GUCY1A2: variants seen among roughly 807,000 people sequenced by gnomAD.
GUCY1A2 encodes guanylate cyclase soluble subunit alpha-2.
A neutral mutation model predicts 63.5 loss-of-function variants in GUCY1A2; 27 were observed. The observed-to-expected ratio is 0.43, with a 90% CI of 0.31 to 0.59. The LOEUF is 0.59. Among genes scored for constraint, GUCY1A2 ranks in the 20% least tolerant of loss-of-function variants. The pLI, the probability that GUCY1A2 is intolerant of heterozygous loss-of-function variation, is 0.11. For missense variants in GUCY1A2, 768 were observed against 913.3 expected (o/e 0.84, Z 2.05); for synonymous variants, 364 against 343.5 (o/e 1.06, Z -0.66).
intron 5 of GUCY1A2, among the ~76,000 whole-genome samples, chr11:106,782,761 C>T (rs1435355377): frequency 1.5e-5 from 2 of 130,030 alleles, no homozygotes; most frequent in African/African-American, 6.3e-5. Context: ...CCAGGAAACA[C>T]AAACACACAC....
intron 4 of GUCY1A2, among the ~76,000 whole-genome samples, chr11:106,866,423 C>T (rs929846588): frequency 4.6e-5 from 7 of 151,936 alleles, no homozygotes; most frequent in African/African-American, 4.8e-5. Context: ...ACAGTGTGGA[C>T]GTCGCTGCTG....
chr11:106,764,963 A>ATT (rs536338612), intron 6 of GUCY1A2, among the ~76,000 whole-genome samples: 1 of 39,852 alleles, frequency 2.5e-5, no homozygotes, highest in Non-Finnish European at 4.2e-5. Flanking sequence ...TACTTTGCAG[A>ATT]TTTTTTTGGG....
At chr11:106,785,382 T>A (rs1212562495) in intron 5 of GUCY1A2, among the ~76,000 whole-genome samples, 8 of 152,078 alleles carry the variant, frequency 5.3e-5, no homozygotes, top group Non-Finnish European at 2.9e-5. Context: ...GATTTCTGGA[T>A]CTGTAATTTT....
intron 7 of GUCY1A2, among the ~76,000 whole-genome samples, chr11:106,696,303 G>A (rs1364607671): frequency 6.6e-6 from 1 of 152,016 alleles, no homozygotes; most frequent in East Asian, 1.9e-4. Context: ...TATGTCTATA[G>A]ACAGAACTTT....
At chr11:106,898,351 C>T (rs1242322198) in intron 4 of GUCY1A2, among the ~76,000 whole-genome samples, 2 of 152,156 alleles carry the variant, frequency 1.3e-5, no homozygotes. Context: ...TTGGTATTTA[C>T]CCAAATAGGT....
At chr11:106,780,932 T>A (rs544243888) in intron 5 of GUCY1A2, among the ~76,000 whole-genome samples, 1 of 152,224 alleles carries the variant, frequency 6.6e-6, no homozygotes, top group East Asian at 1.9e-4. Flanking sequence ...GGCAGCTCTA[T>A]ACAAGTTTAG....
intron 3 of GUCY1A2, among the ~76,000 whole-genome samples, chr11:106,964,745 C>A (rs1861104748): frequency 6.6e-6 from 1 of 152,102 alleles, no homozygotes; most frequent in Admixed American, 6.6e-5. Flanking sequence ...TTTGGGAGGC[C>A]AAGGCGGGCG....
chr11:106,738,922 C>A (rs1201437322), intron 6 of GUCY1A2, among the ~76,000 whole-genome samples: 1 of 152,002 alleles, frequency 6.6e-6, no homozygotes, highest in Non-Finnish European at 1.5e-5. Flanking sequence ...TTTTCTAATT[C>A]TGTGAAGAAA....
At chr11:107,007,450 A>C (rs1276498429) in intron 1 of GUCY1A2, among the ~76,000 whole-genome samples, 1 of 152,202 alleles carries the variant, frequency 6.6e-6, no homozygotes, top group African/African-American at 2.4e-5. Context: ...TTATTCCTGA[A>C]GACATAACCC....
intron 6 of GUCY1A2, among the ~76,000 whole-genome samples, chr11:106,753,627 T>C (rs1217805395): frequency 6.6e-6 from 1 of 151,302 alleles, no homozygotes; most frequent in African/African-American, 2.4e-5. Flanking sequence ...AGGGAATCCT[T>C]TTCCTTTTGT....
chr11:106,722,980 T>C (rs1280724864), intron 6 of GUCY1A2, among the ~76,000 whole-genome samples: 1 of 152,242 alleles, frequency 6.6e-6, no homozygotes, highest in Admixed American at 6.5e-5. Context: ...AATGAATTTA[T>C]CACTATTATT....
rs1862481951 is a variant in GUCY1A2, at chr11:106,684,210, T to C, written c.*3339A>G. 5.4e-6 allele frequency: 1 copy of C among 184,350 alleles called. No individual in the cohort carries two copies. The highest frequency in any genetic ancestry group is 8.8e-5 in the East Asian group (1 of 11,406). 11.4% of individuals were successfully genotyped at this position (184,350 alleles called of 1,614,324 possible). A position where few individuals can be genotyped will look rare whatever the true frequency, so the allele number is the denominator to read the frequency against. ...CTGAACCTACAGACCCACTCTCAAG[T>C]CTCAGGCATCAATGTCTGTCTCAGA... On this transcript the variant is annotated 3_prime_UTR_variant, in exon 8 of 8. Transcript: ENST00000526355.
intron 4 of GUCY1A2, chr11:106,824,881 A>G: frequency 6.2e-7 from 1 of 1,612,638 alleles, no homozygotes; most frequent in East Asian, 2.2e-5. Context: ...AACTTCCAGA[A>G]GAAGGCTGCA....
At chr11:106,911,808 A>G (rs1324717433) in intron 4 of GUCY1A2, among the ~76,000 whole-genome samples, 1 of 152,068 alleles carries the variant, frequency 6.6e-6, no homozygotes, top group Non-Finnish European at 1.5e-5. Context: ...ATTTGTATTT[A>G]TCTTGAGAAT....
At chr11:106,783,815 C>G (rs978118739) in intron 5 of GUCY1A2, among the ~76,000 whole-genome samples, 1 of 152,178 alleles carries the variant, frequency 6.6e-6, no homozygotes, top group African/African-American at 2.4e-5. Context: ...TGCACCTTGG[C>G]CCCTACGCAT....
chr11:106,950,167 G>C (rs1326352495), intron 3 of GUCY1A2, among the ~76,000 whole-genome samples: 2 of 152,176 alleles, frequency 1.3e-5, no homozygotes, highest in Admixed American at 1.3e-4. Flanking sequence ...TGCTAAGAAG[G>C]GGACAGGTTC....
chr11:106,723,197 T>C (rs991557719), intron 6 of GUCY1A2, among the ~76,000 whole-genome samples: 4 of 152,222 alleles, frequency 2.6e-5, no homozygotes, highest in East Asian at 1.9e-4. Flanking sequence ...CCATCATCCC[T>C]GCTCCATGTC....
chr11:106,806,611 G>A (rs1054717256), intron 5 of GUCY1A2, among the ~76,000 whole-genome samples: 2 of 152,112 alleles, frequency 1.3e-5, no homozygotes, highest in African/African-American at 2.4e-5. Context: ...AAAATATTAC[G>A]TATGTTGTTT....
chr11:106,677,733 C>A lies in GUCY1A2; in HGVS notation c.*9816G>T, dbSNP rs554869284. 2.4e-5 allele frequency: 5 copies of A among 210,488 alleles called. No homozygotes were observed. Among genetic ancestry groups the A allele is most frequent in the African/African-American group, 9.1e-5 (4 of 44,174 alleles). 13.0% of individuals were successfully genotyped at this position (210,488 alleles called of 1,614,324 possible). On this transcript the variant is annotated 3_prime_UTR_variant, in exon 8 of 8. Transcript: ENST00000526355. The stretch of plus-strand genomic sequence containing the variant: ...TTGCCTCTAGGTTAACAGGATTAGA[C>A]AACAGACCTAATTTTGATGTAAGCA...
Sources: allele counts gnomAD v4.1 joint callset (sites outside exome capture counted in the v4.1 genomes callset), GRCh38; gene constraint gnomAD v4.1.1; transcripts MANE v1.5; gene names NCBI Gene and HGNC (gene_info 2026-07-23, HGNC 2026-07-21).